LAMA2: variants seen among roughly 807,000 people sequenced by gnomAD.
LAMA2 encodes the protein laminin subunit alpha 2, also known as laminin subunit alpha-2.
In LAMA2, 269 loss-of-function variants were observed where a neutral mutation model predicts 364.8. The observed-to-expected ratio is 0.74, with a 90% CI of 0.67 to 0.82. The LOEUF (loss-of-function observed/expected upper bound fraction) is 0.82. Ranked by LOEUF, LAMA2 falls within the 40% of genes least tolerant of loss-of-function variation. The pLI, the probability that LAMA2 is intolerant of heterozygous loss-of-function variation, is 0.00. For synonymous variants in LAMA2, 1,379 were observed against 1,370.6 expected, an observed-to-expected ratio of 1.01 and a Z score of -0.14; for missense variants, 3,807 against 3,873.2, an observed-to-expected ratio of 0.98 and a Z score of 0.45.
At chr6:129,280,741 G>A (rs180944949) in intron 18 of LAMA2, among the ~76,000 whole-genome samples, 9 of 152,276 alleles carry the variant, frequency 5.9e-5, no homozygotes, top group East Asian at 1.9e-4. Flanking sequence ...CTTCTGAAAT[G>A]TTTTTGAAGA....
chr6:129,315,741 T>C, intron 25 of LAMA2, 21 bp from the exon 26 acceptor site: 7 of 1,612,652 alleles, frequency 4.3e-6, no homozygotes, highest in Non-Finnish European at 5.9e-6. Context: ...CAATTCCTCA[T>C]TCTTCTTTTT....
intron 55 of LAMA2, among the ~76,000 whole-genome samples, chr6:129,482,083 A>T (rs1235598901): frequency 6.6e-6 from 1 of 152,118 alleles, no homozygotes. Context: ...AAGCAGGAGG[A>T]TCGTTTGAGC....
intron 45 of LAMA2, among the ~76,000 whole-genome samples, chr6:129,450,769 T>C (rs368426281): frequency 2.0e-5 from 3 of 152,294 alleles, no homozygotes; most frequent in African/African-American, 4.8e-5. Context: ...CCATTCAGAA[T>C]TGGATATGAT....
At chr6:129,286,316 T>C (rs2114410860) in intron 18 of LAMA2, among the ~76,000 whole-genome samples, 2 of 151,738 alleles carry the variant, frequency 1.3e-5, no homozygotes, top group Middle Eastern at 6.8e-3. Context: ...GTTCTGTTTC[T>C]CCTTTGGCAA....
At chr6:129,029,463 C>A (rs956572186) in intron 1 of LAMA2, among the ~76,000 whole-genome samples, 2 of 151,890 alleles carry the variant, frequency 1.3e-5, no homozygotes, top group African/African-American at 2.4e-5. Context: ...TAATATTATT[C>A]AAGTAAGAAT....
intron 1 of LAMA2, among the ~76,000 whole-genome samples, chr6:128,943,346 C>T (rs1167440974): frequency 6.6e-6 from 1 of 151,178 alleles, no homozygotes; most frequent in Non-Finnish European, 1.5e-5. Context: ...TGCTGTGGTG[C>T]AATTATGGCT....
chr6:129,155,000 T>TC (rs1779023958), intron 8 of LAMA2, among the ~76,000 whole-genome samples: 1 of 152,208 alleles, frequency 6.6e-6, no homozygotes, highest in East Asian at 1.9e-4. Flanking sequence ...AATCATACAG[T>TC]ACATACTAGT....
chr6:129,308,000 C>T (rs1773984803), intron 22 of LAMA2, among the ~76,000 whole-genome samples: 1 of 152,174 alleles, frequency 6.6e-6, no homozygotes, highest in African/African-American at 2.4e-5. Context: ...ACTCTAACCA[C>T]CTTCACATGT....
At chr6:129,236,014 A>C (rs1189987639) in intron 12 of LAMA2, among the ~76,000 whole-genome samples, 1 of 152,198 alleles carries the variant, frequency 6.6e-6, no homozygotes, top group Admixed American at 6.5e-5. Context: ...TAAGCAAGAA[A>C]TCTTGAACAC....
Position 129,120,399 on chromosome 6 carries a change from G to A in LAMA2, c.639+21984G>A, listed in dbSNP as rs191807823. On this transcript the variant is annotated intron_variant, in intron 4 of 64. Coordinates refer to ENST00000421865, the MANE Select transcript of LAMA2 (RefSeq NM_000426.4). ...AACAAGCTTTGTTCCATGGGATAGT[G>A]TCAGTCATAAAGACTTACTAGTTAG... Among the ~76,000 whole-genome samples, 13 of 152,300 alleles carry A rather than the reference G, an allele frequency of 8.5e-5. No individual in the cohort carries two copies. In the East Asian group the frequency reaches 1.7e-3, roughly 20 times the overall value.
intron 8 of LAMA2, chr6:129,158,654 C>T: frequency 6.2e-7 from 1 of 1,614,118 alleles, no homozygotes; most frequent in Non-Finnish European, 8.5e-7. Flanking sequence ...TAGAAATGAG[C>T]AAAACCAGCC....
chr6:129,361,783 C>CT (rs66805881), intron 32 of LAMA2, among the ~76,000 whole-genome samples: 84,129 of 121,032 alleles, frequency 0.7, 30,566 homozygotes, highest in Non-Finnish European at 0.77. Flanking sequence ...TAACAGTAAC[C>CT]TTTTTTTTTT....
chr6:129,491,918 T>C lies in LAMA2; in HGVS notation c.7916T>C (p.Val2639Ala), dbSNP rs1784882974. 1.9e-6 allele frequency: 3 copies of C among 1,612,568 alleles called. No homozygotes were observed. The highest frequency in any genetic ancestry group is 1.1e-5 in the South Asian group (1 of 91,044). The stretch of plus-strand genomic sequence containing the variant: ...TTTATCAGCATCTTTACAGTTCAAG[T>C]GGATGAAAACAGAAGATACATGCAA... ...ERTRGIFTVQ[V>A]DENRRYMQNL... Residue 2639 changes from valine (V) to alanine (A), a missense_variant, in exon 57 of 65, where the codon GTG becomes GCG. Coordinates refer to ENST00000421865, the MANE Select transcript of LAMA2 (RefSeq NM_000426.4).
chr6:129,516,275 GC>G lies in LAMA2; in HGVS notation c.9299del (p.Pro3100HisfsTer12), dbSNP rs1787067913. ...SLKLTKGTGK[P>X]LEVNFAKALE... ...TGAAGCTCACCAAAGGCACAGGCAA[GC>G]CACTGGAGGTTAATTTTGCCAAGGC... On this transcript the variant is annotated frameshift_variant, in exon 65 of 65. Transcript: ENST00000421865. LOFTEE classifies it high-confidence loss of function. The G allele has an allele frequency of 6.2e-7, 1 of 1,614,122 alleles. No homozygotes were observed. The highest frequency in any genetic ancestry group is 8.5e-7 in the Non-Finnish European group (1 of 1,180,012).
intron 1 of LAMA2, among the ~76,000 whole-genome samples, chr6:128,948,904 G>C (rs767535586): frequency 3.9e-5 from 6 of 152,162 alleles, no homozygotes; most frequent in Non-Finnish European, 7.3e-5. Context: ...ACAGCCTGCA[G>C]AACAGAGAAC....
At chr6:129,203,942 C>T (rs949752264) in intron 12 of LAMA2, among the ~76,000 whole-genome samples, 2 of 152,172 alleles carry the variant, frequency 1.3e-5, no homozygotes, top group African/African-American at 4.8e-5. Flanking sequence ...CGATAAATGC[C>T]AATTGCTTTA....
intron 34 of LAMA2, among the ~76,000 whole-genome samples, chr6:129,372,073 A>G (rs1196631180): frequency 6.6e-6 from 1 of 152,176 alleles, no homozygotes; most frequent in Non-Finnish European, 1.5e-5. Context: ...GTGTTCTCAT[A>G]TCTACTCCCT....
At chr6:128,991,479 G>C (rs778082586) in intron 1 of LAMA2, among the ~76,000 whole-genome samples, 1 of 152,144 alleles carries the variant, frequency 6.6e-6, no homozygotes, top group Non-Finnish European at 1.5e-5. Flanking sequence ...GTAAAATGCA[G>C]TCAGGTTTGT....
intron 1 of LAMA2, among the ~76,000 whole-genome samples, chr6:129,049,462 C>T (rs1459658003): frequency 6.6e-6 from 1 of 151,952 alleles, no homozygotes; most frequent in Non-Finnish European, 1.5e-5. Context: ...ATTATTTACA[C>T]TGAAGGATAA....
Sources: gnomAD v4.1 joint callset for allele counts (sites outside exome capture counted in the v4.1 genomes callset) on GRCh38, gnomAD v4.1.1 for gene constraint, MANE v1.5 for transcripts, NCBI Gene and HGNC (gene_info 2026-07-23, HGNC 2026-07-21) for gene names.